ZCWPW2: variants seen among roughly 807,000 people sequenced by gnomAD.
The protein encoded by ZCWPW2 is zinc finger CW-type and PWWP domain containing 2, also known as zinc finger CW-type PWWP domain protein 2.
A neutral mutation model predicts 46.6 loss-of-function variants in ZCWPW2; 45 were observed. The observed-to-expected ratio is 0.96, with a 90% CI of 0.76 to 1.24. The LOEUF (loss-of-function observed/expected upper bound fraction) is 1.24, where lower values mean the gene tolerates loss of function less well. ZCWPW2 is among the 50% of genes most tolerant of loss of function. The pLI, the probability that ZCWPW2 is intolerant of heterozygous loss-of-function variation, is 0.00. For missense variants in ZCWPW2, 429 were observed against 403.9 expected, an observed-to-expected ratio of 1.06 and a Z score of -0.53; for synonymous variants, 152 against 137.1, an observed-to-expected ratio of 1.11 and a Z score of -0.76.
chr3:28,502,249 A>T (rs942638662), intron 6 of ZCWPW2, among the ~76,000 whole-genome samples: 4 of 152,120 alleles, frequency 2.6e-5, no homozygotes, highest in African/African-American at 9.6e-5. Context: ...TAGTAGTAAA[A>T]TATTACAATT....
At chr3:28,463,438 A>T (rs1575164644) in intron 4 of ZCWPW2, among the ~76,000 whole-genome samples, 1 of 151,926 alleles carries the variant, frequency 6.6e-6, no homozygotes, top group South Asian at 2.1e-4. Flanking sequence ...GTTTAAATTT[A>T]AATTTTAAAT....
chr3:28,471,846 A>G (rs778587363), intron 4 of ZCWPW2, among the ~76,000 whole-genome samples: 1 of 152,204 alleles, frequency 6.6e-6, no homozygotes, highest in Non-Finnish European at 1.5e-5. Flanking sequence ...CTTCACCAAA[A>G]AGCTGTTAGA....
chr3:28,489,030 C>T (rs1170596035), intron 5 of ZCWPW2, among the ~76,000 whole-genome samples: 4 of 152,116 alleles, frequency 2.6e-5, no homozygotes. Context: ...AGATACTCTA[C>T]TTTTATTGGA....
chr3:28,351,154 A>AT (rs1302720323), intron 1 of ZCWPW2, among the ~76,000 whole-genome samples: 3 of 150,904 alleles, frequency 2.0e-5, no homozygotes, highest in Non-Finnish European at 4.4e-5. Flanking sequence ...ATATATATAT[A>AT]TTTTTTAGAA....
At chr3:28,465,041 G>C (rs1484665027) in intron 4 of ZCWPW2, among the ~76,000 whole-genome samples, 1 of 152,098 alleles carries the variant, frequency 6.6e-6, no homozygotes, top group Non-Finnish European at 1.5e-5. Flanking sequence ...TGGTTAGAAA[G>C]GTAAATGTAA....
intron 2 of ZCWPW2, among the ~76,000 whole-genome samples, chr3:28,392,288 C>T (rs1273833476): frequency 6.6e-6 from 1 of 152,074 alleles, no homozygotes; most frequent in Non-Finnish European, 1.5e-5. Flanking sequence ...TATATATGCA[C>T]CCAACATCAT....
intron 2 of ZCWPW2, among the ~76,000 whole-genome samples, chr3:28,396,361 C>A (rs778814284): frequency 6.6e-6 from 1 of 152,062 alleles, no homozygotes. Context: ...ACTTCAAGTT[C>A]TTTCTGGAGG....
intron 6 of ZCWPW2, among the ~76,000 whole-genome samples, chr3:28,499,053 G>A (rs866385735): frequency 7.9e-5 from 12 of 152,178 alleles, no homozygotes; most frequent in Middle Eastern, 3.4e-3. Flanking sequence ...ATCATTGATG[G>A]GCATTTGGAT....
At chr3:28,519,562 A>C (rs1435002508) in intron 8 of ZCWPW2, among the ~76,000 whole-genome samples, 1 of 152,184 alleles carries the variant, frequency 6.6e-6, no homozygotes. Flanking sequence ...GCAGAATTTA[A>C]AATTTTCCTA....
chr3:28,453,488 A>G (rs929175942), intron 4 of ZCWPW2, among the ~76,000 whole-genome samples: 14 of 152,330 alleles, frequency 9.2e-5, no homozygotes, highest in East Asian at 1.9e-4. Context: ...TGACCCTTCA[A>G]TGGAACAGCA....
At chr3:28,520,267 G>C (rs1257142965) in intron 8 of ZCWPW2, among the ~76,000 whole-genome samples, 2 of 152,070 alleles carry the variant, frequency 1.3e-5, no homozygotes, top group African/African-American at 2.4e-5. Flanking sequence ...CTCCCAAAGT[G>C]CTGGGATTAC....
At chr3:28,383,542 A>G (rs1407109728) in intron 1 of ZCWPW2, among the ~76,000 whole-genome samples, 1 of 152,062 alleles carries the variant, frequency 6.6e-6, no homozygotes, top group Non-Finnish European at 1.5e-5. Flanking sequence ...GGTGTGTTTA[A>G]CCTATTAGGG....
chr3:28,402,092 G>GAAAC, intron 2 of ZCWPW2, among the ~76,000 whole-genome samples: 2 of 151,642 alleles, frequency 1.3e-5, no homozygotes, highest in South Asian at 4.2e-4. Flanking sequence ...AAATGAAATT[G>GAAAC]AAACAAACAA....
At chr3:28,493,492 T>C (rs957044151) in intron 6 of ZCWPW2, among the ~76,000 whole-genome samples, 3 of 120,268 alleles carry the variant, frequency 2.5e-5, no homozygotes, top group African/African-American at 8.4e-5. Context: ...TCATTTTTTA[T>C]GGCTGCATAG....
At chr3:28,394,640 A>G (rs1316325331) in intron 2 of ZCWPW2, among the ~76,000 whole-genome samples, 1 of 152,126 alleles carries the variant, frequency 6.6e-6, no homozygotes, top group Non-Finnish European at 1.5e-5. Context: ...CAAAGGCAGC[A>G]AGAATACACA....
chr3:28,397,847 G>A (rs1695766528), intron 2 of ZCWPW2, among the ~76,000 whole-genome samples: 1 of 151,994 alleles, frequency 6.6e-6, no homozygotes, highest in Non-Finnish European at 1.5e-5. Context: ...CTATTTATTA[G>A]GACTCTACAG....
At chr3:28,503,288 G>T (rs1700197291) in intron 6 of ZCWPW2, among the ~76,000 whole-genome samples, 1 of 152,102 alleles carries the variant, frequency 6.6e-6, no homozygotes, top group African/African-American at 2.4e-5. Context: ...GCCAGATGTT[G>T]TCCTTTGTTA....
chr3:28,390,741 T>C (rs1415361735), intron 2 of ZCWPW2, 124 bp downstream of exon 2: 1 of 708,674 alleles, frequency 1.4e-6, no homozygotes, highest in Non-Finnish European at 1.7e-6. Context: ...ATAACTTCTC[T>C]ATGAAATAAT....
At chr3:28,363,130 G>T (rs572457390) in intron 1 of ZCWPW2, among the ~76,000 whole-genome samples, 1 of 151,992 alleles carries the variant, frequency 6.6e-6, no homozygotes, top group Non-Finnish European at 1.5e-5. Flanking sequence ...CTTAGTACCC[G>T]GCTGAGGAAA....
Sources: allele counts gnomAD v4.1 joint callset (sites outside exome capture counted in the v4.1 genomes callset), GRCh38; gene constraint gnomAD v4.1.1; transcripts MANE v1.5; gene names NCBI Gene and HGNC (gene_info 2026-07-23, HGNC 2026-07-21).